The following SPEG variants were observed in gnomAD, a reference collection of about 807,000 sequenced individuals.
SPEG encodes striated muscle preferentially expressed protein kinase.
SPEG carries 114 observed loss-of-function variants against 300.4 expected under a neutral mutation model. The observed-to-expected ratio is 0.38, with a 90% CI of 0.33 to 0.44. The LOEUF is 0.44. SPEG is among the 20% of genes least tolerant of loss of function. The pLI, the probability that SPEG is intolerant of heterozygous loss-of-function variation, is 1.00. For missense variants in SPEG, 4,201 were observed against 4,586.2 expected, an observed-to-expected ratio of 0.92 and a Z score of 2.43; for synonymous variants, 1,964 against 2,018.9, an observed-to-expected ratio of 0.97 and a Z score of 0.73.
In SPEG at chr2:219,468,977, C is replaced by T. The variant is rs955937663; in HGVS notation, c.3420C>T (p.Asn1140=). The part of the protein sequence containing the change: ...DEGLYAVSAV[N]THGQAHCSAQ... Reference sequence around the variant, plus strand: ...GGCTCTATGCGGTCAGTGCTGTTAACACCCATGGCCAGGCCCACTGCTCAG... The same window carrying T: ...GGCTCTATGCGGTCAGTGCTGTTAATACCCATGGCCAGGCCCACTGCTCAG... The change falls in exon 12 of 41, where the codon AAC becomes AAT. Residue 1140 remains asparagine, a synonymous_variant. Coordinates refer to ENST00000312358, the MANE Select transcript of SPEG (RefSeq NM_005876.5). The T allele has an allele frequency of 2.5e-6, 4 of 1,613,832 alleles. No homozygotes were observed. In the African/African-American group the frequency reaches 4.0e-5, roughly 16 times the overall value.
Position 219,485,008 on chromosome 2 carries a change from C to T in SPEG, c.7545C>T (p.Ala2515=). ...GLPHNQLAAQ[A]GATTPSAESL... is the part of the protein sequence containing the mutation. ...CGCACAACCAGTTGGCCGCCCAGGC[C>T]GGCGCCACCACGCCTTCCGCCGAGT... is the stretch of plus-strand genomic sequence containing the variant. Residue 2515 remains alanine, a synonymous_variant, in exon 30 of 41, where the codon GCC becomes GCT. Transcript: ENST00000312358. 1 of 1,531,574 alleles carries T rather than the reference C, an allele frequency of 6.5e-7. No individual in the cohort carries two copies. Among genetic ancestry groups the T allele is most frequent in the Non-Finnish European group, 8.7e-7 (1 of 1,145,472 alleles). The allele number at this position is 1,531,574 out of a possible 1,614,324, so 94.9% of individuals were successfully genotyped here.
At chr2:219,492,459 T>C in intron 40 of SPEG, 135 bp from the exon 41 acceptor site, 1 of 1,115,894 alleles carries the variant, frequency 9.0e-7, no homozygotes, top group Middle Eastern at 2.7e-4. Context: ...ACTGGGGAAC[T>C]GAGCTCTTGA....
chr2:219,473,723 C>A lies in SPEG; in HGVS notation c.4272-5C>A, dbSNP rs746764108. 6.8e-6 allele frequency: 11 copies of A among 1,612,832 alleles called. No homozygotes were observed. Among genetic ancestry groups the A allele is most frequent in the Non-Finnish European group, 9.3e-6 (11 of 1,179,126 alleles). On this transcript the variant is annotated splice_polypyrimidine_tract_variant and splice_region_variant and intron_variant, in intron 17 of 40. Coordinates refer to ENST00000312358, the MANE Select transcript of SPEG (RefSeq NM_005876.5). This position sits in a 1 kb window ranked among gnomAD's most constrained non-coding sequence, Gnocchi z 4.6. ...TGGGTGACCTCCCTGTCATGTGTCC[C>A]CTAGCTGCCGAGGGGCCCTCCTAGA...
chr2:219,485,534 C>G (rs747682007), intron 31 of SPEG, 57 bp downstream of exon 31: 2 of 1,481,804 alleles, frequency 1.3e-6, no homozygotes, highest in Non-Finnish European at 9.0e-7. Flanking sequence ...CCCCTACCCC[C>G]ATCAGGGAGC....
rs972043973 is a variant in SPEG at position 219,451,031 on chromosome 2, T to G, written c.2114-105T>G. ...AGTCCCTGCTTTCTAGAAGCCCCTCTGTCTGGGTTTGGCTTTCTAGGATGC... is the reference window on the plus strand; with the variant it reads ...AGTCCCTGCTTTCTAGAAGCCCCTCGGTCTGGGTTTGGCTTTCTAGGATGC... On this transcript the variant is annotated intron_variant, in intron 4 of 40. Transcript: ENST00000312358. The surrounding 1 kb of genome is among the most constrained non-coding windows in gnomAD (Gnocchi z 6.4). The G allele has an allele frequency of 2.9e-5, 35 of 1,189,274 alleles. No homozygotes were observed. Among genetic ancestry groups the G allele is most frequent in the Non-Finnish European group, 3.4e-5 (30 of 873,340 alleles). 73.7% of individuals were successfully genotyped at this position (1,189,274 alleles called of 1,614,324 possible).
Position 219,455,746 on chromosome 2 carries a change from C to T in SPEG, c.2440+3939C>T, listed in dbSNP as rs930368260. 2.6e-5 allele frequency among the ~76,000 whole-genome samples: 4 copies of T among 152,322 alleles called. No homozygotes were observed. The East Asian group carries it at 5.8e-4, about 22-fold the overall frequency. On this transcript the variant is annotated intron_variant, in intron 6 of 40. Transcript: ENST00000312358. ...GGGTGGGTCCGACTGGGGGCTTTCT[C>T]TTCTTCCTCTATTGACTCCCCACCT...
Position 219,473,995 on chromosome 2 carries a change from G to A in SPEG, c.4447+92G>A. 1 of 1,375,958 alleles carries A rather than the reference G, an allele frequency of 7.3e-7. No individual in the cohort carries two copies. Among genetic ancestry groups the A allele is most frequent in the South Asian group, 1.3e-5 (1 of 74,938 alleles). The allele number at this position is 1,375,958 out of a possible 1,614,324, so 85.2% of individuals were successfully genotyped here. A position where few individuals can be genotyped will look rare whatever the true frequency, so the allele number is the denominator to read the frequency against. ...GGTACACAACCTGCCTGACACTGCT[G>A]CAGATCCAAACCCATGTCCTCTGGT... On this transcript the variant is annotated intron_variant, in intron 18 of 40. Transcript: ENST00000312358. The surrounding 1 kb of genome is among the most constrained non-coding windows in gnomAD (Gnocchi z 4.6).
At position 219,467,256 on chromosome 2, in the gene SPEG, G is replaced by A. The variant is rs760476508; in HGVS notation, c.2964G>A (p.Glu988=). The change falls in exon 10 of 41, where the codon GAG becomes GAA. Residue 988 remains glutamate, a synonymous_variant. Transcript: ENST00000312358. ...DVGAGEMALF[E]CLVAGPTDVE... is the part of the protein sequence containing the mutation. ...GGGCCGGGGAGATGGCGCTGTTTGA[G>A]TGCCTGGTGGCGGGGCCCACTGACG... 1.9e-6 allele frequency: 3 copies of A among 1,607,984 alleles called. No individual in the cohort carries two copies. The highest frequency in any genetic ancestry group is 3.3e-5 in the Admixed American group (2 of 59,972).
At position 219,448,903 on chromosome 2, in the gene SPEG, C is replaced by A. The variant is rs1369740849; in HGVS notation, c.1745C>A (p.Pro582Gln). The change falls in exon 4 of 41, where the codon CCG (proline) becomes CAG (glutamine). Residue 582 changes from proline to glutamine, a missense_variant. Physicochemically the swap from Pro to Gln is moderately conservative, Grantham distance 76. Around this residue, in one of 4 missense-constraint regions of SPEG, gnomAD observed 1,258 missense variants for 1,293.9 expected, o/e 0.97. Coordinates refer to ENST00000312358, the MANE Select transcript of SPEG (RefSeq NM_005876.5). ...RSRGPAGRTEPGEGPQQEVRR... is the reference protein window; with the variant it reads ...RSRGPAGRTEQGEGPQQEVRR... ...CGCGGGCCGGCGGGCAGGACAGAGC[C>A]GGGGGAAGGCCCGCAGCAGGAGGTT... is the stretch of plus-strand genomic sequence containing the variant. 1 of 1,456,790 alleles carries A rather than the reference C, an allele frequency of 6.9e-7. No homozygotes were observed. The highest frequency in any genetic ancestry group is 1.4e-5 in the South Asian group (1 of 72,020). The allele number at this position is 1,456,790 out of a possible 1,614,324, so 90.2% of individuals were successfully genotyped here.
At position 219,468,929 on chromosome 2, in the gene SPEG, C is replaced by A; in HGVS notation, c.3372C>A (p.Ala1124=). 1 of 1,613,964 alleles carries A rather than the reference C, an allele frequency of 6.2e-7. No homozygotes were observed. The highest frequency in any genetic ancestry group is 1.1e-5 in the South Asian group (1 of 91,090). The part of the protein sequence containing the change: ...QDGGLHSLHI[A]HVGSEDEGLY... ...GGGGTCTGCACTCACTGCACATTGCCCATGTGGGCAGCGAGGACGAGGGGC... is the reference window on the plus strand; with the variant it reads ...GGGGTCTGCACTCACTGCACATTGCACATGTGGGCAGCGAGGACGAGGGGC... Residue 1124 remains alanine (A), a synonymous_variant, in exon 12 of 41, where the codon GCC becomes GCA. Transcript: ENST00000312358.
chr2:219,472,141 G>C, intron 14 of SPEG, 86 bp from the exon 15 acceptor site: 1 of 1,537,500 alleles, frequency 6.5e-7, no homozygotes, highest in Non-Finnish European at 8.9e-7. Context: ...GAGCCCCCAG[G>C]CCCTAGCCTC....
In SPEG at chr2:219,488,815, G is replaced by C; in HGVS notation, c.8064G>C (p.Gln2688His). 1 of 1,597,732 alleles carries C rather than the reference G, an allele frequency of 6.3e-7. No homozygotes were observed. The change falls in exon 34 of 41, where the codon CAG becomes CAC. Residue 2688 changes from glutamine (Q) to histidine (H), a missense_variant. Transcript: ENST00000312358. ...AGCTAGCTCCTCCAGAGGTACCCCA[G>C]ACCTACCAGGACACGGCGCTGGTGC... ...PGKLAPPEVP[Q>H]TYQDTALVLW...
In SPEG at chr2:219,443,926, GC is replaced by G; in HGVS notation, c.389-725del. ...CACAGGACACCTCTGGGGACTGGGT[GC>G]CTCACGCCCCTTCTGTCTTGACTGC... On this transcript the variant is annotated intron_variant, in intron 1 of 40. Coordinates refer to ENST00000312358, the MANE Select transcript of SPEG (RefSeq NM_005876.5). The surrounding 1 kb of genome is among the most constrained non-coding windows in gnomAD (Gnocchi z 4.6). 1 of 927,466 alleles carries G rather than the reference GC, an allele frequency of 1.1e-6. No homozygotes were observed. The highest frequency in any genetic ancestry group is 1.7e-5 in the African/African-American group (1 of 59,002). The allele number at this position is 927,466 out of a possible 1,614,324, so 57.5% of individuals were successfully genotyped here.
rs745312329 is a variant in SPEG at position 219,484,159 on chromosome 2, C to A, written c.6696C>A (p.Pro2232=). 18 of 1,613,574 alleles carry A rather than the reference C, an allele frequency of 1.1e-5. No homozygotes were observed. The highest frequency in any genetic ancestry group is 2.7e-5 in the African/African-American group (2 of 74,926). Residue 2232 remains proline, a synonymous_variant, in exon 30 of 41, where the codon CCC becomes CCA. Coordinates refer to ENST00000312358, the MANE Select transcript of SPEG (RefSeq NM_005876.5). ...GAGCCTCCAAGCCTGCACCACCCCC[C>A]CAGGCCCTGCAAACCCTAGCGCTGC... ...PVRASKPAPP[P]QALQTLALPL...
chr2:219,444,012 G>T lies in SPEG; in HGVS notation c.389-641G>T. ...AGTCTGTCCCTGTCTCTCTCCTGCT[G>T]CTCCTATGGAAGCGAAGTTTTCCGC... On this transcript the variant is annotated intron_variant, in intron 1 of 40. Transcript: ENST00000312358. This position sits in a 1 kb window ranked among gnomAD's most constrained non-coding sequence, Gnocchi z 7.8. 2 of 1,365,114 alleles carry T rather than the reference G, an allele frequency of 1.5e-6. No individual in the cohort carries two copies. Among genetic ancestry groups the T allele is most frequent in the Non-Finnish European group, 2.0e-6 (2 of 1,021,288 alleles). The allele number at this position is 1,365,114 out of a possible 1,614,324, so 84.6% of individuals were successfully genotyped here.
chr2:219,478,080 C>T lies in SPEG; in HGVS notation c.5002C>T (p.Arg1668Trp), dbSNP rs542443881. 42 of 1,614,068 alleles carry T rather than the reference C, an allele frequency of 2.6e-5. No individual in the cohort carries two copies. The highest frequency in any genetic ancestry group is 1.5e-4 in the Admixed American group (9 of 60,028). ...CTTCCATGAGGCCTTCGAGAGGCGC[C>T]GGGGACTGGTCATTGTCACCGAGCT... ...LYFHEAFERR[R>W]GLVIVTELCT... Residue 1668 changes from arginine to tryptophan, a missense_variant, in exon 22 of 41, where the codon CGG becomes TGG. Arg to Trp is a moderately radical substitution (Grantham distance 101). This residue lies in a region of SPEG where 1,047 missense variants were observed against 1,356.8 expected (regional missense o/e 0.77). Coordinates refer to ENST00000312358, the MANE Select transcript of SPEG (RefSeq NM_005876.5).
chr2:219,466,516 G>A (rs1221477922), intron 9 of SPEG: 7 of 1,096,476 alleles, frequency 6.4e-6, no homozygotes, highest in Non-Finnish European at 7.8e-6. Flanking sequence ...GCATGGAGGG[G>A]CCCAAGGAGC....
In SPEG at chr2:219,479,283, A is replaced by G; in HGVS notation, c.5085+82A>G. 1 of 1,243,992 alleles carries G rather than the reference A, an allele frequency of 8.0e-7. No homozygotes were observed. Among genetic ancestry groups the G allele is most frequent in the Middle Eastern group, 2.3e-4 (1 of 4,418 alleles). 77.1% of individuals were successfully genotyped at this position (1,243,992 alleles called of 1,614,324 possible). A position where few individuals can be genotyped will look rare whatever the true frequency, so the allele number is the denominator to read the frequency against. On this transcript the variant is annotated intron_variant, in intron 23 of 40. Coordinates refer to ENST00000312358, the MANE Select transcript of SPEG (RefSeq NM_005876.5). This position sits in a 1 kb window ranked among gnomAD's most constrained non-coding sequence, Gnocchi z 5.5. ...TTTGAGAACCAACAAATGGGTCCTG[A>G]GTGTGCCATCTGTGCCCACAGGAAG... is the stretch of plus-strand genomic sequence containing the variant.
At position 219,451,367 on chromosome 2, in the gene SPEG, G is replaced by A; in HGVS notation, c.2257+88G>A. On this transcript the variant is annotated intron_variant, in intron 5 of 40. Transcript: ENST00000312358. This position sits in a 1 kb window ranked among gnomAD's most constrained non-coding sequence, Gnocchi z 6.4. ...GGGAGGTTCCCCCGGACTCCTCCAA[G>A]GGAGGGGTGGGAAAGAGGGGAATTA... 6.7e-7 allele frequency: 1 copy of A among 1,481,572 alleles called. No individual in the cohort carries two copies. The highest frequency in any genetic ancestry group is 9.0e-7 in the Non-Finnish European group (1 of 1,110,794). 91.8% of individuals were successfully genotyped at this position (1,481,572 alleles called of 1,614,324 possible).
Sources: gnomAD v4.1 joint callset for allele counts (sites outside exome capture counted in the v4.1 genomes callset) on GRCh38, gnomAD v4.1.1 for gene constraint, gnomAD v4.1.1 regional missense constraint, Gnocchi (gnomAD v3.1) non-coding constraint, MANE v1.5 for transcripts, NCBI Gene and HGNC (gene_info 2026-07-23, HGNC 2026-07-21) for gene names.